Variants in NUDCD3 observed in about 807,000 individuals in gnomAD.
NUDCD3 encodes the protein nudC domain-containing protein 3.
NUDCD3 carries 13 observed loss-of-function variants against 39.7 expected under a neutral mutation model. That is an observed-to-expected ratio of 0.33 (90% confidence interval 0.21 to 0.52). NUDCD3 has a LOEUF of 0.52. NUDCD3 is among the 20% of genes least tolerant of loss of function. NUDCD3 has a pLI of 0.96. For missense variants in NUDCD3, 453 were observed against 458.1 expected, an observed-to-expected ratio of 0.99 and a Z score of 0.10; for synonymous variants, 175 against 172.4, an observed-to-expected ratio of 1.02 and a Z score of -0.12.
chr7:44,442,171 T>A (rs1437252148), intron 2 of NUDCD3, among the ~76,000 whole-genome samples: 1 of 152,220 alleles, frequency 6.6e-6, no homozygotes, highest in Non-Finnish European at 1.5e-5. Flanking sequence ...TTTTTACTGA[T>A]GTAGATTATT....
chr7:44,442,868 TTTTC>T (rs907861346), intron 2 of NUDCD3, among the ~76,000 whole-genome samples: 176 of 152,096 alleles, frequency 1.2e-3, no homozygotes, highest in African/African-American at 4.2e-3. Flanking sequence ...GCTAAATTTT[TTTTC>T]TTTCTATTTT....
intron 5 of NUDCD3, among the ~76,000 whole-genome samples, chr7:44,391,746 T>C (rs1328206663): frequency 1.3e-5 from 2 of 152,132 alleles, no homozygotes; most frequent in Admixed American, 6.5e-5. Context: ...AAAGAATGTA[T>C]ACATCTAATT....
intron 4 of NUDCD3, chr7:44,402,517 CCT>C (rs1798744881): frequency 7.7e-6 from 3 of 387,196 alleles, no homozygotes; most frequent in Admixed American, 5.8e-5. Context: ...TCATTGGTAC[CCT>C]GATTGTAATC....
At chr7:44,427,752 G>C in intron 2 of NUDCD3, 49 bp from the exon 3 acceptor site, 2 of 1,596,050 alleles carry the variant, frequency 1.3e-6, no homozygotes, top group African/African-American at 2.7e-5. Flanking sequence ...CCTGAGCAGA[G>C]GACCCCATGG....
intron 3 of NUDCD3, among the ~76,000 whole-genome samples, chr7:44,423,321 G>A (rs189047124): frequency 2.2e-4 from 34 of 152,242 alleles, no homozygotes; most frequent in Admixed American, 1.5e-3. Context: ...GAAATAAAGC[G>A]TATTCAAATA....
chr7:44,456,050 A>AAG (rs57462935), intron 2 of NUDCD3, among the ~76,000 whole-genome samples: 1 of 130,248 alleles, frequency 7.7e-6, no homozygotes, highest in African/African-American at 2.7e-5. Context: ...AAAAAAAAAA[A>AAG]CAAAAAAACA....
At chr7:44,387,588 G>T (rs980659130) in intron 5 of NUDCD3, among the ~76,000 whole-genome samples, 4 of 152,156 alleles carry the variant, frequency 2.6e-5, no homozygotes, top group Non-Finnish European at 5.9e-5. Flanking sequence ...TGAAGCCTCT[G>T]AACCTTTCAA....
chr7:44,432,495 T>C (rs1272373694), intron 2 of NUDCD3, among the ~76,000 whole-genome samples: 1 of 152,230 alleles, frequency 6.6e-6, no homozygotes, highest in African/African-American at 2.4e-5. Context: ...ACTGACTGCC[T>C]GACTAAAGGC....
rs1491466569 is a variant in NUDCD3, at chr7:44,489,723, ACT to A, written c.192+684_192+685del. The A allele has an allele frequency of 1.1e-3, 9 of 8,346 alleles. No individual in the cohort carries two copies. The East Asian group carries it at 0.12, about 109-fold the overall frequency. The allele number at this position is 8,346 out of a possible 1,614,324, so 0.5% of individuals were successfully genotyped here. On this transcript the variant is annotated intron_variant, in intron 1 of 5. Transcript: ENST00000355451. ...TTACTTTCTGGGTTTTCTCTCTTTA[ACT>A]GTGTCACAAGGAGAGAGAAACCATT...
chr7:44,448,548 C>T (rs576172518), intron 2 of NUDCD3, among the ~76,000 whole-genome samples: 14 of 152,346 alleles, frequency 9.2e-5, no homozygotes, highest in Middle Eastern at 3.4e-3. Context: ...GATCATCACC[C>T]AGAGCCACAG....
intron 2 of NUDCD3, among the ~76,000 whole-genome samples, chr7:44,438,241 C>T (rs945182951): frequency 6.6e-6 from 1 of 152,024 alleles, no homozygotes; most frequent in African/African-American, 2.4e-5. Flanking sequence ...TTAGTCTTTA[C>T]CCAATTTTAT....
chr7:44,472,374 A>G (rs944707751), intron 2 of NUDCD3, among the ~76,000 whole-genome samples: 4 of 152,246 alleles, frequency 2.6e-5, no homozygotes, highest in African/African-American at 9.6e-5. Context: ...TACTGAATAA[A>G]AAGATTAAAA....
intron 3 of NUDCD3, among the ~76,000 whole-genome samples, chr7:44,417,204 T>C (rs1430151353): frequency 6.6e-6 from 1 of 152,196 alleles, no homozygotes; most frequent in South Asian, 2.1e-4. Flanking sequence ...TCCAGGGTTA[T>C]CCTTGGTGAT....
intron 2 of NUDCD3, among the ~76,000 whole-genome samples, chr7:44,455,345 A>G (rs17711674): frequency 0.14 from 20,574 of 152,112 alleles, 1,721 homozygotes; most frequent in Non-Finnish European, 0.19. Context: ...TCACACACTC[A>G]TCTGTCACCA....
intron 4 of NUDCD3, 109 bp downstream of exon 4, chr7:44,404,330 GA>G (rs974387565): frequency 1.7e-6 from 2 of 1,155,228 alleles, no homozygotes; most frequent in Middle Eastern, 2.1e-4. Flanking sequence ...CCCAGCAGCT[GA>G]AATTAACAAC....
At chr7:44,470,651 A>C (rs1800236192) in intron 2 of NUDCD3, among the ~76,000 whole-genome samples, 1 of 152,230 alleles carries the variant, frequency 6.6e-6, no homozygotes, top group Non-Finnish European at 1.5e-5. Context: ...CTGCAAGGGA[A>C]GCAACCCATG....
chr7:44,392,565 A>G, intron 4 of NUDCD3, 80 bp from the exon 5 acceptor site: 1 of 1,262,354 alleles, frequency 7.9e-7, no homozygotes, highest in Non-Finnish European at 1.1e-6. Flanking sequence ...GAGCCCACTG[A>G]GGGATGGGTG....
At position 44,386,069 on chromosome 7, in the gene NUDCD3, C is replaced by G; in HGVS notation, c.1028G>C (p.Arg343Pro). The stretch of plus-strand genomic sequence containing the variant: ...CATGGCAGGGTCGAATCGCTGGCCT[C>G]GGAAGGGAGAACCTTCAGCATCCCA... ...KGWDAEGSPF[R>P]GQRFDPAMFN... Residue 343 changes from arginine (R) to proline (P), a missense_variant, in exon 6 of 6, where the codon CGA becomes CCA. Arg to Pro is a moderately radical substitution (Grantham distance 103). Transcript: ENST00000355451. 6.2e-7 allele frequency: 1 copy of G among 1,613,588 alleles called. No homozygotes were observed. The highest frequency in any genetic ancestry group is 8.5e-7 in the Non-Finnish European group (1 of 1,179,524).
chr7:44,390,519 ACCTTAGTC>A (rs150212008), intron 5 of NUDCD3, among the ~76,000 whole-genome samples: 7,907 of 152,202 alleles, frequency 0.052, 271 homozygotes, highest in South Asian at 0.089. Flanking sequence ...AAACCACCTG[ACCTTAGTC>A]CCTCCATCCT....
Sources: gnomAD v4.1 joint callset for allele counts (sites outside exome capture counted in the v4.1 genomes callset) on GRCh38, gnomAD v4.1.1 for gene constraint, MANE v1.5 for transcripts, NCBI Gene and HGNC (gene_info 2026-07-23, HGNC 2026-07-21) for gene names.